The following CLSTN1 variants were observed in gnomAD, a reference collection of about 807,000 sequenced individuals.
CLSTN1 encodes calsyntenin-1.
Under a neutral mutation model 108.3 loss-of-function variants are expected in CLSTN1, and 28 were observed. That is an observed-to-expected ratio of 0.26 (90% CI 0.19 to 0.35). CLSTN1 has a LOEUF of 0.35. Among genes scored for constraint, CLSTN1 ranks in the 10% least tolerant of loss-of-function variants. The pLI is 1.00. For missense variants in CLSTN1, 1,157 were observed against 1,302.6 expected, an observed-to-expected ratio of 0.89 and a Z score of 1.72; for synonymous variants, 524 against 534.9, an observed-to-expected ratio of 0.98 and a Z score of 0.28.
chr1:9,817,902 T>C (rs908835336), intron 1 of CLSTN1, among the ~76,000 whole-genome samples: 1 of 152,068 alleles, frequency 6.6e-6, no homozygotes, highest in Non-Finnish European at 1.5e-5. Context: ...GGGTATTGTA[T>C]GTCAGGCTGA....
At chr1:9,810,998 C>T (rs1263656048) in intron 1 of CLSTN1, among the ~76,000 whole-genome samples, 1 of 152,052 alleles carries the variant, frequency 6.6e-6, no homozygotes, top group African/African-American at 2.4e-5. Context: ...GACCCACTGC[C>T]ATATGCATTA....
At chr1:9,783,143 G>C (rs770239608) in intron 1 of CLSTN1, among the ~76,000 whole-genome samples, 9 of 152,206 alleles carry the variant, frequency 5.9e-5, no homozygotes, top group Admixed American at 5.9e-4. Context: ...CCCAGTACAC[G>C]AACAGTTCCT....
At position 9,744,398 on chromosome 1, in the gene CLSTN1, T is replaced by C; in HGVS notation, c.1231A>G (p.Thr411Ala). 1 of 1,607,832 alleles carries C rather than the reference T, an allele frequency of 6.2e-7. No homozygotes were observed. The highest frequency in any genetic ancestry group is 8.5e-7 in the Non-Finnish European group (1 of 1,178,402). Residue 411 changes from threonine (T) to alanine (A), a missense_variant, in exon 8 of 19, where the codon ACA becomes GCA. By Grantham distance (58) the Thr-to-Ala change is moderately conservative. Coordinates refer to ENST00000377298, the MANE Select transcript of CLSTN1 (RefSeq NM_001009566.3). ...GCTTGCAGAGCTATTACCCTACCTG[T>C]TTTATCAGAACTGCAAAGAATTGTC... ...KETILCSSDK[T>A]DMNRHHYSLY...
intron 1 of CLSTN1, among the ~76,000 whole-genome samples, chr1:9,779,233 TTATC>T (rs1430281676): frequency 4.6e-5 from 7 of 152,094 alleles, no homozygotes; most frequent in Admixed American, 6.6e-5. Flanking sequence ...GTTGAACACT[TTATC>T]TAACCACTGA....
At chr1:9,740,355 T>A (rs578228191) in intron 10 of CLSTN1, among the ~76,000 whole-genome samples, 231 of 152,324 alleles carry the variant, frequency 1.5e-3, no homozygotes, top group Non-Finnish European at 2.7e-3. Flanking sequence ...ACACCGCGCC[T>A]GGCCCACAGG....
At chr1:9,756,572 TA>T in intron 2 of CLSTN1, 62 bp from the exon 3 acceptor site, 1 of 1,445,526 alleles carries the variant, frequency 6.9e-7, no homozygotes, top group Non-Finnish European at 9.6e-7. Flanking sequence ...TGGAATACAC[TA>T]AGGAAAAAAG....
At chr1:9,751,035 A>G (rs1000604976) in intron 5 of CLSTN1, among the ~76,000 whole-genome samples, 1 of 152,152 alleles carries the variant, frequency 6.6e-6, no homozygotes, top group Non-Finnish European at 1.5e-5. Flanking sequence ...ACTGTACTCC[A>G]GCCTGGGGAA....
intron 1 of CLSTN1, among the ~76,000 whole-genome samples, chr1:9,801,890 A>ATGT (rs1456807837): frequency 9.9e-5 from 15 of 152,270 alleles, no homozygotes; most frequent in African/African-American, 3.4e-4. Flanking sequence ...CCAGACAAAG[A>ATGT]TGTTACAAGA....
intron 1 of CLSTN1, among the ~76,000 whole-genome samples, chr1:9,805,107 A>G (rs2101288670): frequency 6.6e-6 from 1 of 152,248 alleles, no homozygotes; most frequent in Non-Finnish European, 1.5e-5. Context: ...GAGACAGAGC[A>G]AGACTCCTCT....
chr1:9,750,715 C>CAAAAAAAAAAAAAAAAA (rs775430059), intron 5 of CLSTN1, among the ~76,000 whole-genome samples: 7 of 77,174 alleles, frequency 9.1e-5, no homozygotes, highest in African/African-American at 1.7e-4. Flanking sequence ...TTCCCTCAAA[C>CAAAAAAAAAAAAAAAAA]AAAAAAAAAA....
intron 1 of CLSTN1, among the ~76,000 whole-genome samples, chr1:9,808,189 C>A (rs1449275496): frequency 6.6e-6 from 1 of 152,200 alleles, no homozygotes; most frequent in Non-Finnish European, 1.5e-5. Context: ...GTCAGTGCTT[C>A]CCATATGCGG....
Position 9,788,064 on chromosome 1 carries a change from G to A in CLSTN1, c.92-14670C>T, listed in dbSNP as rs545452935. 2.6e-5 allele frequency among the ~76,000 whole-genome samples: 4 copies of A among 151,246 alleles called. 1 individual carries two copies. The East Asian group carries it at 6.0e-4, about 23-fold the overall frequency. On this transcript the variant is annotated intron_variant, in intron 1 of 18. Coordinates refer to ENST00000377298, the MANE Select transcript of CLSTN1 (RefSeq NM_001009566.3). ...GAGTTCAGGAGTTCAAGATCAGCCC[G>A]GCCAACCTGGCGAGACCCCGTCTCT... is the stretch of plus-strand genomic sequence containing the variant.
chr1:9,774,545 G>A lies in CLSTN1; in HGVS notation c.92-1151C>T, dbSNP rs889060984. 2.0e-5 allele frequency among the ~76,000 whole-genome samples: 3 copies of A among 151,438 alleles called. No homozygotes were observed. The East Asian group carries it at 5.8e-4, about 29-fold the overall frequency. On this transcript the variant is annotated intron_variant, in intron 1 of 18. Transcript: ENST00000377298. ...CACGCCACCGCACTCCAGACTGGGC[G>A]ACAGAGTGAGACTCCGCCTCAAAAA...
chr1:9,786,204 CA>C (rs1466501899), intron 1 of CLSTN1, among the ~76,000 whole-genome samples: 2 of 152,030 alleles, frequency 1.3e-5, no homozygotes, highest in African/African-American at 4.8e-5. Flanking sequence ...ACAAAAAACA[CA>C]CACATTAAGT....
intron 1 of CLSTN1, among the ~76,000 whole-genome samples, chr1:9,798,105 AGAGAGAGGGAGAGAGG>A (rs200574835): frequency 7.6e-6 from 1 of 132,134 alleles, no homozygotes; most frequent in Non-Finnish European, 1.6e-5. Context: ...CAACAAAGAA[AGAGAGAGGGAGAGAGG>A]GAGAGAGGGG....
At chr1:9,745,241 A>C (rs1037624727) in intron 7 of CLSTN1, among the ~76,000 whole-genome samples, 2 of 152,124 alleles carry the variant, frequency 1.3e-5, no homozygotes, top group Non-Finnish European at 2.9e-5. Flanking sequence ...AAAAAAAAAA[A>C]AAAAACAAAA....
chr1:9,822,861 C>T (rs1047182996), intron 1 of CLSTN1, among the ~76,000 whole-genome samples: 3 of 152,098 alleles, frequency 2.0e-5, no homozygotes, highest in African/African-American at 4.8e-5. Context: ...TTGTAGAGAA[C>T]ATCTAACCCT....
intron 10 of CLSTN1, 37 bp downstream of exon 10, chr1:9,741,057 A>G (rs1650958106): frequency 2.5e-6 from 4 of 1,599,950 alleles, no homozygotes; most frequent in Non-Finnish European, 3.4e-6. Context: ...GGTACAACTT[A>G]ATTCTCGAGT....
At chr1:9,766,937 C>T (rs547020814) in intron 2 of CLSTN1, among the ~76,000 whole-genome samples, 1 of 152,348 alleles carries the variant, frequency 6.6e-6, no homozygotes, top group Admixed American at 6.5e-5. Flanking sequence ...TTTCAGAGCT[C>T]TAACAAGTGA....
Sources: allele counts gnomAD v4.1 joint callset (sites outside exome capture counted in the v4.1 genomes callset), GRCh38; gene constraint gnomAD v4.1.1; transcripts MANE v1.5; gene names NCBI Gene and HGNC (gene_info 2026-07-23, HGNC 2026-07-21).